Variants in ASTN2 observed in about 807,000 individuals in gnomAD.
ASTN2 encodes astrotactin 2, also known as astrotactin-2.
ASTN2 carries 54 observed loss-of-function variants against 139.8 expected under a neutral mutation model. The observed-to-expected ratio is 0.39, with a 90% CI of 0.31 to 0.48. The LOEUF (loss-of-function observed/expected upper bound fraction) is 0.48. Ranked by LOEUF, ASTN2 falls within the 20% of genes least tolerant of loss-of-function variation. ASTN2 has a pLI of 0.95. For missense variants in ASTN2, 1,565 were observed against 1,725.1 expected, an observed-to-expected ratio of 0.91 and a Z score of 1.64; for synonymous variants, 756 against 719.5, an observed-to-expected ratio of 1.05 and a Z score of -0.81.
chr9:116,999,638 C>T (rs189651889), intron 7 of ASTN2, among the ~76,000 whole-genome samples: 1 of 140,834 alleles, frequency 7.1e-6, no homozygotes, highest in African/African-American at 2.8e-5. Context: ...CAGCTCACTG[C>T]AACCTTCGCC....
At chr9:116,950,187 G>C (rs1425837073) in intron 10 of ASTN2, among the ~76,000 whole-genome samples, 1 of 152,162 alleles carries the variant, frequency 6.6e-6, no homozygotes, top group Non-Finnish European at 1.5e-5. Context: ...CTTGTAGGAT[G>C]TTTAGCAGCA....
intron 11 of ASTN2, among the ~76,000 whole-genome samples, chr9:116,834,290 T>C (rs1056717426): frequency 6.6e-6 from 1 of 152,238 alleles, no homozygotes; most frequent in Non-Finnish European, 1.5e-5. Context: ...TAATGTTCTA[T>C]AAATGTTAAC....
At chr9:116,687,302 G>C in intron 16 of ASTN2, 1 of 986,174 alleles carries the variant, frequency 1.0e-6, no homozygotes, top group Non-Finnish European at 1.2e-6. Flanking sequence ...CCCGGCAAGG[G>C]GTGCTCAACG....
intron 19 of ASTN2, among the ~76,000 whole-genome samples, chr9:116,519,174 G>C (rs1157054435): frequency 6.6e-6 from 1 of 151,988 alleles, no homozygotes; most frequent in Non-Finnish European, 1.5e-5. Flanking sequence ...GATATTTACA[G>C]AACATTCTAC....
chr9:116,741,221 T>C (rs540084989), intron 13 of ASTN2, among the ~76,000 whole-genome samples: 1 of 152,226 alleles, frequency 6.6e-6, no homozygotes, highest in East Asian at 1.9e-4. Flanking sequence ...CCATCACCCC[T>C]CAGTTCTAGG....
chr9:117,291,250 C>T (rs1255140748), intron 2 of ASTN2, 76 bp downstream of exon 2: 17 of 1,538,104 alleles, frequency 1.1e-5, no homozygotes, highest in Non-Finnish European at 1.5e-5. Flanking sequence ...GTGGACAATC[C>T]CCCGCCCCCT....
intron 7 of ASTN2, among the ~76,000 whole-genome samples, chr9:116,985,581 G>C (rs1269801627): frequency 6.6e-6 from 1 of 152,192 alleles, no homozygotes; most frequent in Non-Finnish European, 1.5e-5. Flanking sequence ...GTGCACCACA[G>C]ACATGATTAT....
chr9:116,746,595 T>C (rs947599592), intron 13 of ASTN2, among the ~76,000 whole-genome samples: 1 of 152,210 alleles, frequency 6.6e-6, no homozygotes, highest in Non-Finnish European at 1.5e-5. Context: ...ATTCATGGGT[T>C]CCAGGGATTG....
Position 116,530,949 on chromosome 9 carries a change from A to G in ASTN2, c.3356-43449T>C, listed in dbSNP as rs531293439. Among the ~76,000 whole-genome samples, 30 of 152,342 alleles carry G rather than the reference A, an allele frequency of 2.0e-4. 1 individual carries two copies. Among genetic ancestry groups the G allele is most frequent in the Admixed American group, 9.2e-4 (14 of 15,292 alleles). ...CAGAGCATGACATGCAACTGGCACT[A>G]AATACATATTTATTAAATAAATGAA... On this transcript the variant is annotated intron_variant, in intron 19 of 22. Coordinates refer to ENST00000313400, the MANE Select transcript of ASTN2 (RefSeq NM_001365068.1).
At chr9:116,490,660 G>A (rs1185043903) in intron 19 of ASTN2, among the ~76,000 whole-genome samples, 1 of 152,190 alleles carries the variant, frequency 6.6e-6, no homozygotes, top group Admixed American at 6.5e-5. Context: ...AGGGTGGCAG[G>A]AGAGAGAATG....
At chr9:117,246,523 A>C (rs1016012773) in intron 2 of ASTN2, among the ~76,000 whole-genome samples, 1 of 152,196 alleles carries the variant, frequency 6.6e-6, no homozygotes, top group African/African-American at 2.4e-5. Flanking sequence ...TCAAACAGTT[A>C]ATGTGTATAA....
At chr9:116,616,751 A>G (rs1313139075) in intron 19 of ASTN2, among the ~76,000 whole-genome samples, 1 of 151,212 alleles carries the variant, frequency 6.6e-6, no homozygotes, top group African/African-American at 2.4e-5. Context: ...AACCTCTGCT[A>G]TTATAAAACA....
At chr9:117,186,166 T>A (rs1158071005) in intron 3 of ASTN2, among the ~76,000 whole-genome samples, 2 of 152,222 alleles carry the variant, frequency 1.3e-5, no homozygotes, top group African/African-American at 4.8e-5. Flanking sequence ...ATCAATTTTT[T>A]GAAAATTTTA....
At chr9:116,569,474 T>TA (rs1853401542) in intron 19 of ASTN2, among the ~76,000 whole-genome samples, 2 of 152,212 alleles carry the variant, frequency 1.3e-5, no homozygotes, top group African/African-American at 4.8e-5. Flanking sequence ...TTCCTACCAG[T>TA]AAAGAACTAG....
intron 2 of ASTN2, among the ~76,000 whole-genome samples, chr9:117,273,660 G>A (rs755657663): frequency 6.6e-6 from 1 of 152,140 alleles, no homozygotes; most frequent in Non-Finnish European, 1.5e-5. Context: ...CATTTTCATT[G>A]CCCATTCCTC....
chr9:116,600,780 A>G (rs1269383540), intron 19 of ASTN2, among the ~76,000 whole-genome samples: 3 of 152,244 alleles, frequency 2.0e-5, no homozygotes, highest in East Asian at 3.9e-4. Context: ...TTTAAACTCC[A>G]GCCCCACTGT....
intron 2 of ASTN2, among the ~76,000 whole-genome samples, chr9:117,270,623 C>A (rs1003771378): frequency 3.9e-5 from 6 of 152,166 alleles, no homozygotes; most frequent in African/African-American, 1.4e-4. Flanking sequence ...TTGGTCTCAC[C>A]ATTGAGTGGC....
intron 2 of ASTN2, among the ~76,000 whole-genome samples, chr9:117,284,139 G>A (rs1383702627): frequency 6.6e-6 from 1 of 152,086 alleles, no homozygotes; most frequent in Non-Finnish European, 1.5e-5. Flanking sequence ...GGTTGTTAGG[G>A]TGGGACCCAG....
intron 1 of ASTN2, among the ~76,000 whole-genome samples, chr9:117,394,753 G>A (rs1830632791): frequency 6.6e-6 from 1 of 152,146 alleles, no homozygotes; most frequent in Admixed American, 6.6e-5. Flanking sequence ...CTGAAGTGTA[G>A]GCAAAGGAAC....
Sources: gnomAD v4.1 joint callset for allele counts (sites outside exome capture counted in the v4.1 genomes callset) on GRCh38, gnomAD v4.1.1 for gene constraint, MANE v1.5 for transcripts, NCBI Gene and HGNC (gene_info 2026-07-23, HGNC 2026-07-21) for gene names.